CCSER1: variants seen among roughly 807,000 people sequenced by gnomAD.
CCSER1 encodes the protein coiled-coil serine rich protein 1.
Under a neutral mutation model 82.0 loss-of-function variants are expected in CCSER1, and 41 were observed. The ratio of observed to expected loss-of-function variants is 0.50; its 90% CI spans 0.39 to 0.65. The LOEUF (loss-of-function observed/expected upper bound fraction) is 0.65. Among genes scored for constraint, CCSER1 ranks in the 30% least tolerant of loss-of-function variants. The pLI is 0.00. For synonymous variants in CCSER1, 414 were observed against 383.9 expected (o/e 1.08, Z -0.92); for missense variants, 1,119 against 1,064.2 (o/e 1.05, Z -0.72).
chr4:90,646,089 C>T (rs548787618), intron 6 of CCSER1, among the ~76,000 whole-genome samples: 1 of 151,958 alleles, frequency 6.6e-6, no homozygotes, highest in Non-Finnish European at 1.5e-5. Context: ...GGTAAAAGAG[C>T]AGTAAATATT....
intron 4 of CCSER1, among the ~76,000 whole-genome samples, chr4:90,407,488 C>T (rs796177827): frequency 1.3e-5 from 2 of 152,274 alleles, no homozygotes; most frequent in African/African-American, 4.8e-5. Flanking sequence ...AGGGAATCCT[C>T]CTTAAATCAT....
chr4:91,426,208 G>C (rs564422140), intron 10 of CCSER1, among the ~76,000 whole-genome samples: 2 of 152,274 alleles, frequency 1.3e-5, no homozygotes, highest in South Asian at 2.1e-4. Flanking sequence ...CCCTGCAAAG[G>C]ACATGAACTC....
chr4:91,108,211 A>G (rs973491700), intron 10 of CCSER1: 2 of 152,218 alleles, frequency 1.3e-5, no homozygotes, highest in African/African-American at 4.8e-5. Flanking sequence ...ATCATTGCCA[A>G]TATGTGATTC....
chr4:90,242,307 AAAAAG>A (rs550822356), intron 1 of CCSER1, among the ~76,000 whole-genome samples: 8 of 152,270 alleles, frequency 5.3e-5, no homozygotes, highest in East Asian at 3.9e-4. Context: ...ACTCCGTCTC[AAAAAG>A]AAAAGAAAAG....
At chr4:90,925,625 A>G (rs1212992940) in intron 9 of CCSER1, among the ~76,000 whole-genome samples, 2 of 152,250 alleles carry the variant, frequency 1.3e-5, no homozygotes, top group Non-Finnish European at 2.9e-5. Flanking sequence ...TTGCCTATCC[A>G]TGCCTCATAA....
intron 8 of CCSER1, among the ~76,000 whole-genome samples, chr4:90,822,227 A>C (rs947342063): frequency 7.9e-5 from 12 of 152,192 alleles, no homozygotes; most frequent in Non-Finnish European, 1.6e-4. Flanking sequence ...TTTAACTTGG[A>C]TGACAATTTA....
chr4:90,452,461 G>A (rs1204447882), intron 4 of CCSER1, among the ~76,000 whole-genome samples: 1 of 152,178 alleles, frequency 6.6e-6, no homozygotes, highest in Non-Finnish European at 1.5e-5. Context: ...ATTCCCCATG[G>A]TTAACTTAAT....
chr4:91,494,322 T>G (rs187005956), intron 10 of CCSER1, among the ~76,000 whole-genome samples: 1 of 151,854 alleles, frequency 6.6e-6, no homozygotes, highest in African/African-American at 2.4e-5. Context: ...ATTTTATCTA[T>G]ATTTTAAATC....
At chr4:90,162,050 A>G (rs1012493112) in intron 1 of CCSER1, among the ~76,000 whole-genome samples, 1 of 152,074 alleles carries the variant, frequency 6.6e-6, no homozygotes, top group Non-Finnish European at 1.5e-5. Context: ...ACAAAAAGCT[A>G]TGGTATTTTG....
intron 1 of CCSER1, among the ~76,000 whole-genome samples, chr4:90,191,301 C>CG (rs1210456749): frequency 7.9e-5 from 12 of 150,952 alleles, no homozygotes; most frequent in African/African-American, 2.9e-4. Flanking sequence ...AGTATGGGGG[C>CG]GGGGGGTATA....
chr4:91,463,489 A>G (rs901139097), intron 10 of CCSER1, among the ~76,000 whole-genome samples: 6 of 152,236 alleles, frequency 3.9e-5, no homozygotes, highest in African/African-American at 1.4e-4. Context: ...CACCAGCAAC[A>G]GAACAAAGGT....
chr4:91,169,352 G>T (rs930533001), intron 10 of CCSER1, among the ~76,000 whole-genome samples: 11 of 152,118 alleles, frequency 7.2e-5, no homozygotes, highest in Non-Finnish European at 5.9e-5. Context: ...CAGGCATGGT[G>T]TCTCACGCCT....
At chr4:90,469,429 T>C (rs1764056169) in intron 5 of CCSER1, among the ~76,000 whole-genome samples, 1 of 152,016 alleles carries the variant, frequency 6.6e-6, no homozygotes, top group Admixed American at 6.6e-5. Context: ...ATAGTCTTAA[T>C]TTTTAAGTTC....
intron 10 of CCSER1, among the ~76,000 whole-genome samples, chr4:91,417,070 G>T (rs916662838): frequency 5.3e-5 from 8 of 152,052 alleles, no homozygotes; most frequent in African/African-American, 1.7e-4. Context: ...CTTCTCAAAA[G>T]AAGACATTCA....
intron 10 of CCSER1, among the ~76,000 whole-genome samples, chr4:91,231,805 G>A (rs1016588051): frequency 2.6e-5 from 4 of 151,602 alleles, no homozygotes; most frequent in Non-Finnish European, 4.4e-5. Flanking sequence ...AGATACAAAC[G>A]AAAAAGAAGG....
intron 10 of CCSER1, among the ~76,000 whole-genome samples, chr4:91,245,787 C>T (rs1739724666): frequency 6.6e-6 from 1 of 152,148 alleles, no homozygotes; most frequent in East Asian, 1.9e-4. Context: ...ACCTCTGCCT[C>T]CCAGGTTCAA....
intron 9 of CCSER1, among the ~76,000 whole-genome samples, chr4:91,037,799 A>T (rs1442944998): frequency 6.6e-6 from 1 of 151,738 alleles, no homozygotes; most frequent in Non-Finnish European, 1.5e-5. Flanking sequence ...TTTATTTAAT[A>T]AATAACTACA....
chr4:90,491,461 A>G (rs553157933), intron 5 of CCSER1, among the ~76,000 whole-genome samples: 100 of 152,308 alleles, frequency 6.6e-4, no homozygotes, highest in African/African-American at 2.3e-3. Flanking sequence ...GTTGTCTGCA[A>G]ACAGGGACAA....
intron 1 of CCSER1, among the ~76,000 whole-genome samples, chr4:90,201,094 A>G (rs1215846030): frequency 1.3e-5 from 2 of 152,186 alleles, no homozygotes; most frequent in Non-Finnish European, 2.9e-5. Flanking sequence ...CAATAAGCCA[A>G]TTCTTAGAGT....
Sources: gnomAD v4.1 joint callset for allele counts (sites outside exome capture counted in the v4.1 genomes callset) on GRCh38, gnomAD v4.1.1 for gene constraint, MANE v1.5 for transcripts, NCBI Gene and HGNC (gene_info 2026-07-23, HGNC 2026-07-21) for gene names.